RBFOX1: variants seen among roughly 807,000 people sequenced by gnomAD.
RBFOX1 encodes RNA binding protein fox-1 homolog 1.
Under a neutral mutation model 57.7 loss-of-function variants are expected in RBFOX1, and 8 were observed. The observed-to-expected ratio is 0.14, with a 90% CI of 0.08 to 0.25. The LOEUF is 0.25. RBFOX1 is among the 10% of genes least tolerant of loss of function. The pLI is 1.00. For missense variants in RBFOX1, 611 were observed against 548.5 expected (o/e 1.11, Z -1.14); for synonymous variants, 326 against 222.4 (o/e 1.47, Z -4.15).
chr16:7,121,674 A>G (rs1308041516), intron 4 of RBFOX1, among the ~76,000 whole-genome samples: 1 of 152,042 alleles, frequency 6.6e-6, no homozygotes, highest in East Asian at 1.9e-4. Context: ...TCTAGCAGGT[A>G]TTTTTGTAGC....
chr16:5,582,547 CTTTT>C (rs57853959), intron 2 of RBFOX1, among the ~76,000 whole-genome samples: 142 of 92,850 alleles, frequency 1.5e-3, no homozygotes, highest in African/African-American at 5.5e-3. Context: ...AAGCACGTCA[CTTTT>C]TTTTTTTTTT....
At position 7,711,311 on chromosome 16, in the gene RBFOX1, C is replaced by T. The variant is rs990398806; in HGVS notation, c.*566C>T. 2 of 152,334 alleles carry T rather than the reference C, an allele frequency of 1.3e-5. No homozygotes were observed. Among genetic ancestry groups the T allele is most frequent in the African/African-American group, 2.4e-5 (1 of 41,374 alleles). 9.4% of individuals were successfully genotyped at this position (152,334 alleles called of 1,614,324 possible). A position where few individuals can be genotyped will look rare whatever the true frequency, so the allele number is the denominator to read the frequency against. On this transcript the variant is annotated 3_prime_UTR_variant, in exon 16 of 16. Coordinates refer to ENST00000550418, the MANE Select transcript of RBFOX1 (RefSeq NM_018723.4). ...TCAATGGTTCTAAGTTACTCATTGCCAGTTCAAGCCAAAGGTCATGTTGTT... is the reference window on the plus strand; with the variant it reads ...TCAATGGTTCTAAGTTACTCATTGCTAGTTCAAGCCAAAGGTCATGTTGTT...
At chr16:5,936,021 C>A (rs1044628582) in intron 4 of RBFOX1, among the ~76,000 whole-genome samples, 4 of 146,312 alleles carry the variant, frequency 2.7e-5, no homozygotes, top group African/African-American at 1.0e-4. Flanking sequence ...ATTCCTTCAA[C>A]TGATCTGAAC....
chr16:6,799,994 C>G (rs1481555286), intron 3 of RBFOX1, among the ~76,000 whole-genome samples: 1 of 152,128 alleles, frequency 6.6e-6, no homozygotes, highest in African/African-American at 2.4e-5. Context: ...ATATATTAAA[C>G]ACATATATCC....
intron 3 of RBFOX1, among the ~76,000 whole-genome samples, chr16:6,824,152 C>A (rs530194921): frequency 6.6e-6 from 1 of 152,300 alleles, no homozygotes; most frequent in South Asian, 2.1e-4. Flanking sequence ...CGCCTGTAAT[C>A]CCAGCACTTT....
At chr16:5,387,940 G>C (rs1159331535) in intron 1 of RBFOX1, among the ~76,000 whole-genome samples, 2 of 152,126 alleles carry the variant, frequency 1.3e-5, no homozygotes, top group African/African-American at 4.8e-5. Context: ...GAAACTCCGT[G>C]GTCTACTTTT....
At chr16:5,358,290 GC>G (rs2065449377) in intron 1 of RBFOX1, among the ~76,000 whole-genome samples, 1 of 151,948 alleles carries the variant, frequency 6.6e-6, no homozygotes, top group African/African-American at 2.4e-5. Context: ...TGGGATTAGG[GC>G]CCATTCTGTT....
intron 2 of RBFOX1, among the ~76,000 whole-genome samples, chr16:5,469,077 C>T (rs1203526398): frequency 2.0e-5 from 3 of 152,196 alleles, no homozygotes; most frequent in African/African-American, 7.2e-5. Context: ...TAGAGGTTTT[C>T]TTGGGAGGTG....
intron 4 of RBFOX1, among the ~76,000 whole-genome samples, chr16:5,948,979 G>A (rs1297135559): frequency 6.6e-6 from 1 of 152,082 alleles, no homozygotes; most frequent in African/African-American, 2.4e-5. Flanking sequence ...CTTCTCTCTT[G>A]CTGTCACAAT....
In RBFOX1 at chr16:6,592,617, A is replaced by G. The variant is rs1195614677; in HGVS notation, c.-63-61986A>G. On this transcript the variant is annotated intron_variant, in intron 2 of 15. Coordinates refer to ENST00000550418, the MANE Select transcript of RBFOX1 (RefSeq NM_018723.4). ...CTTTCTTTGCTTTGAAGAGATATAC[A>G]TATGGGGAAGCGGAAGTTCTGCTAC... Among the ~76,000 whole-genome samples the G allele has an allele frequency of 2.0e-5, 3 of 152,174 alleles. No homozygotes were observed. In the East Asian group the frequency reaches 5.8e-4, roughly 29 times the overall value.
chr16:7,032,192 A>G (rs1029913842), intron 3 of RBFOX1, among the ~76,000 whole-genome samples: 3 of 152,112 alleles, frequency 2.0e-5, no homozygotes, highest in Non-Finnish European at 2.9e-5. Flanking sequence ...TGGGAGGCCA[A>G]GGCGGGCGGA....
At chr16:6,198,726 A>G (rs1200806187) in intron 1 of RBFOX1, among the ~76,000 whole-genome samples, 1 of 152,198 alleles carries the variant, frequency 6.6e-6, no homozygotes, top group Non-Finnish European at 1.5e-5. Context: ...TTTTGGAACT[A>G]AAGTGTACCC....
At chr16:7,427,671 GTC>G (rs2098634843) in intron 4 of RBFOX1, among the ~76,000 whole-genome samples, 1 of 149,048 alleles carries the variant, frequency 6.7e-6, no homozygotes, top group Admixed American at 6.7e-5. Flanking sequence ...TTGAGATGGA[GTC>G]TCTCTCTGTT....
chr16:7,339,126 C>G (rs758337779), intron 4 of RBFOX1, among the ~76,000 whole-genome samples: 7 of 152,160 alleles, frequency 4.6e-5, no homozygotes. Context: ...ATTTACTAAG[C>G]CTGTGGCCTG....
chr16:7,224,512 C>T (rs1342919512), intron 4 of RBFOX1, among the ~76,000 whole-genome samples: 1 of 136,254 alleles, frequency 7.3e-6, no homozygotes, highest in East Asian at 2.0e-4. Context: ...CTGGGACCTG[C>T]CCCTCAGTGC....
chr16:6,693,758 A>C (rs534872864), intron 3 of RBFOX1, among the ~76,000 whole-genome samples: 274 of 151,458 alleles, frequency 1.8e-3, no homozygotes, highest in African/African-American at 6.1e-3. Flanking sequence ...TAACATCACC[A>C]CCATCATTAG....
intron 3 of RBFOX1, among the ~76,000 whole-genome samples, chr16:6,662,515 T>C (rs2098707975): frequency 6.6e-6 from 1 of 152,196 alleles, no homozygotes. Context: ...ACACTTAGAT[T>C]AGATTTCAGG....
At chr16:7,297,181 A>G (rs2095912127) in intron 4 of RBFOX1, among the ~76,000 whole-genome samples, 1 of 152,162 alleles carries the variant, frequency 6.6e-6, no homozygotes, top group Non-Finnish European at 1.5e-5. Flanking sequence ...AGTTTGGGCC[A>G]TGGCTTGTAG....
intron 2 of RBFOX1, among the ~76,000 whole-genome samples, chr16:6,590,556 T>G (rs1425184786): frequency 1.3e-5 from 2 of 152,162 alleles, no homozygotes; most frequent in African/African-American, 4.8e-5. Context: ...AGTTTGTAAC[T>G]CATTTAGTGA....
Sources: allele counts gnomAD v4.1 joint callset (sites outside exome capture counted in the v4.1 genomes callset), GRCh38; gene constraint gnomAD v4.1.1; transcripts MANE v1.5; gene names NCBI Gene and HGNC (gene_info 2026-07-23, HGNC 2026-07-21).